Variants in ATPAF2 observed in about 807,000 individuals in gnomAD.
ATPAF2 encodes the protein ATP12 homolog.
Under a neutral mutation model 36.6 loss-of-function variants are expected in ATPAF2, and 30 were observed. The ratio of observed to expected loss-of-function variants is 0.82; its 90% confidence interval spans 0.61 to 1.11. The LOEUF is 1.11. Ranked by LOEUF, ATPAF2 falls within the 50% of genes most tolerant of loss-of-function variation. ATPAF2 has a pLI of 0.00. For missense variants in ATPAF2, 321 were observed against 372.3 expected (o/e 0.86, Z 1.13); for synonymous variants, 140 against 152.6 (o/e 0.92, Z 0.61).
At chr17:18,035,891 A>G (rs2044696179) in intron 1 of ATPAF2, among the ~76,000 whole-genome samples, 1 of 152,240 alleles carries the variant, frequency 6.6e-6, no homozygotes, top group Non-Finnish European at 1.5e-5. Flanking sequence ...GTGACAGACA[A>G]CTGGTAAATA....
At chr17:18,032,825 T>G (rs2044655256) in intron 1 of ATPAF2, among the ~76,000 whole-genome samples, 1 of 151,722 alleles carries the variant, frequency 6.6e-6, no homozygotes, top group African/African-American at 2.4e-5. Context: ...CCAAACTTTC[T>G]GATTGATTCA....
chr17:18,035,246 C>CA (rs972557015), intron 1 of ATPAF2, among the ~76,000 whole-genome samples: 30 of 151,162 alleles, frequency 2.0e-4, no homozygotes, highest in South Asian at 1.0e-3. Context: ...CAAAAAAAAA[C>CA]AAAAAAAACC....
chr17:18,038,391 T>C (rs2044736299), intron 1 of ATPAF2, among the ~76,000 whole-genome samples: 1 of 152,130 alleles, frequency 6.6e-6, no homozygotes, highest in South Asian at 2.1e-4. Flanking sequence ...GAGGTTGTGG[T>C]AGGAGGGAAA....
At chr17:18,021,553 G>A (rs1018227330) in intron 6 of ATPAF2, 192 bp downstream of exon 6, 7 of 648,248 alleles carry the variant, frequency 1.1e-5, no homozygotes, top group South Asian at 3.5e-5. Context: ...TGGCGAAGTC[G>A]AAGGTGGAAA....
chr17:18,030,320 C>CAAAAAAAAAA (rs1162130285), intron 1 of ATPAF2, among the ~76,000 whole-genome samples: 3 of 64,092 alleles, frequency 4.7e-5, no homozygotes, highest in Admixed American at 2.1e-4. Flanking sequence ...GACTCCATCT[C>CAAAAAAAAAA]AAAAAAAAAA....
chr17:18,024,375 C>G (rs778288956), intron 5 of ATPAF2, among the ~76,000 whole-genome samples: 1 of 152,216 alleles, frequency 6.6e-6, no homozygotes, highest in African/African-American at 2.4e-5. Flanking sequence ...GGACACAGAG[C>G]TGCCCCTACA....
At chr17:18,018,877 T>A (rs904628869) in intron 7 of ATPAF2, among the ~76,000 whole-genome samples, 191 bp from the exon 8 acceptor site, 1 of 152,180 alleles carries the variant, frequency 6.6e-6, no homozygotes, top group African/African-American at 2.4e-5. Context: ...GGCTCACGCC[T>A]GTAATCCCAG....
chr17:18,038,827 A>G (rs1326536505), intron 1 of ATPAF2, 54 bp downstream of exon 1: 1 of 1,606,162 alleles, frequency 6.2e-7, no homozygotes, highest in Non-Finnish European at 8.5e-7. Flanking sequence ...CGAAGCCCGA[A>G]GCCCACCTTA....
At chr17:18,022,847 C>T (rs1457880260) in intron 5 of ATPAF2, among the ~76,000 whole-genome samples, 1 of 151,822 alleles carries the variant, frequency 6.6e-6, no homozygotes, top group East Asian at 1.9e-4. Context: ...CGGCTGGGGC[C>T]GGGCGCGGTG....
chr17:18,020,547 A>G (rs899152508), intron 7 of ATPAF2: 3 of 153,160 alleles, frequency 2.0e-5, no homozygotes, highest in Non-Finnish European at 4.4e-5. Context: ...TTGCACCTCC[A>G]TTTCCTTCTG....
chr17:18,015,437 T>C (rs577733965), downstream of ATPAF2: 3 of 152,472 alleles, frequency 2.0e-5, no homozygotes, highest in East Asian at 1.9e-4. Flanking sequence ...CAGGCAACAA[T>C]AGCCACAGTG....
At chr17:18,019,381 C>T (rs2044435920) in intron 7 of ATPAF2, among the ~76,000 whole-genome samples, 1 of 152,256 alleles carries the variant, frequency 6.6e-6, no homozygotes, top group South Asian at 2.1e-4. Context: ...CCTACACTTC[C>T]TCCCAGAAAG....
rs1053724132 is a variant in ATPAF2 at position 18,024,632 on chromosome 17, A to G, written c.495T>C (p.Ala165=). The change falls in exon 5 of 8, where the codon GCT becomes GCC. Residue 165 remains alanine (A), a synonymous_variant. Coordinates refer to ENST00000474627, the MANE Select transcript of ATPAF2 (RefSeq NM_145691.4). The part of the protein sequence containing the change: ...RNEWDPIIEW[A]EKRYGVEISS... ...AGGGCTGTACATCTTACCTTTTCTC[A>G]GCCCATTCGATGATTGGATCCCACT... 23 of 1,613,752 alleles carry G rather than the reference A, an allele frequency of 1.4e-5. No homozygotes were observed. The highest frequency in any genetic ancestry group is 5.0e-5 in the Admixed American group (3 of 59,978).
At chr17:18,030,320 C>CAAAAAAA (rs1162130285) in intron 1 of ATPAF2, among the ~76,000 whole-genome samples, 44 of 64,064 alleles carry the variant, frequency 6.9e-4, no homozygotes, top group Non-Finnish European at 8.9e-4. Context: ...GACTCCATCT[C>CAAAAAAA]AAAAAAAAAA....
At chr17:18,034,918 A>G (rs1294197618) in intron 1 of ATPAF2, among the ~76,000 whole-genome samples, 3 of 152,228 alleles carry the variant, frequency 2.0e-5, no homozygotes, top group Non-Finnish European at 2.9e-5. Context: ...GAATGGAGTC[A>G]TTGATACATG....
chr17:18,018,279 T>C lies in ATPAF2; in HGVS notation c.*270A>G. 3.9e-6 allele frequency: 2 copies of C among 516,384 alleles called. No individual in the cohort carries two copies. The highest frequency in any genetic ancestry group is 7.0e-6 in the Non-Finnish European group (2 of 284,094). The allele number at this position is 516,384 out of a possible 1,614,324, so 32.0% of individuals were successfully genotyped here. A position where few individuals can be genotyped will look rare whatever the true frequency, so the allele number is the denominator to read the frequency against. ...TCAGCACATTTCCAGGGTGGAGAAA[T>C]ATTTAATAAAATCAGAGTCGAGAGA... On this transcript the variant is annotated 3_prime_UTR_variant, in exon 8 of 8. Transcript: ENST00000474627.
chr17:18,029,879 T>TAAAACAA (rs2044602070), intron 1 of ATPAF2, among the ~76,000 whole-genome samples: 1 of 53,208 alleles, frequency 1.9e-5, no homozygotes, highest in Admixed American at 2.5e-4. Context: ...CCTTTAACGC[T>TAAAACAA]AAAAAAAAAA....
intron 7 of ATPAF2, among the ~76,000 whole-genome samples, chr17:18,019,682 C>T (rs2044440810): frequency 6.6e-6 from 1 of 152,248 alleles, no homozygotes; most frequent in Non-Finnish European, 1.5e-5. Context: ...TGGCTAGTTG[C>T]CCAAGAGGCC....
rs1429698450 is a variant in ATPAF2, at chr17:18,021,223, G to A, written c.632C>T (p.Ala211Val). ...TAGCACCATGGACTTGAGCTGGGCA[G>A]CTACAAACTCAATCCCTGCAGGGAC... is the stretch of plus-strand genomic sequence containing the variant. ...TWALQGIEFV[A>V]AQLKSMVLTL... The change falls in exon 7 of 8, where the codon GCT (alanine) becomes GTT (valine). Residue 211 changes from alanine (A) to valine (V), a missense_variant. Ala to Val is a moderately conservative substitution (Grantham distance 64, BLOSUM62 0). Coordinates refer to ENST00000474627, the MANE Select transcript of ATPAF2 (RefSeq NM_145691.4). The A allele has an allele frequency of 2.5e-6, 4 of 1,613,406 alleles. No individual in the cohort carries two copies. Among genetic ancestry groups the A allele is most frequent in the Non-Finnish European group, 3.4e-6 (4 of 1,179,790 alleles).
Sources: allele counts gnomAD v4.1 joint callset (sites outside exome capture counted in the v4.1 genomes callset), GRCh38; gene constraint gnomAD v4.1.1; transcripts MANE v1.5; gene names NCBI Gene and HGNC (gene_info 2026-07-23, HGNC 2026-07-21).